BCOR: variants seen among roughly 807,000 people sequenced by gnomAD.
The protein encoded by BCOR is BCL6 corepressor, also known as BCL-6 corepressor.
A neutral mutation model predicts 86.7 loss-of-function variants in BCOR; 10 were observed. That is an observed-to-expected ratio of 0.12 (90% CI 0.07 to 0.20). The LOEUF (loss-of-function observed/expected upper bound fraction) is 0.20. Among genes scored for constraint, BCOR ranks in the 10% least tolerant of loss-of-function variants. BCOR has a pLI of 1.00. For missense variants in BCOR, 1,259 were observed against 1,452.1 expected (o/e 0.87, Z 2.16); for synonymous variants, 611 against 609.0 (o/e 1.00, Z -0.05).
At position 40,072,904 on chromosome X, in the gene BCOR, A is replaced by G. The variant is rs1935551026; in HGVS notation, c.2442T>C (p.Asp814=). 1 of 1,210,725 alleles carries G rather than the reference A, an allele frequency of 8.3e-7. No individual in the cohort carries two copies. The highest frequency in any genetic ancestry group is 1.7e-5 in the African/African-American group (1 of 57,410). The part of the protein sequence containing the change: ...VYVDLLREEP[D]AKTDTNVSKP... ...TGGACACGTTTGTGTCAGTTTTAGC[A>G]TCTGGTTCTTCTCGGAGAAGGTCTA... The change falls in exon 4 of 15, where the codon GAT becomes GAC. Residue 814 remains aspartate (D), a synonymous_variant. Transcript: ENST00000378444.
At chrX:40,162,334 C>T (rs907296964) in intron 1 of BCOR, among the ~76,000 whole-genome samples, 1 of 111,830 alleles carries the variant, frequency 8.9e-6, no homozygotes, top group Non-Finnish European at 1.9e-5. Context: ...CCTGAGAAGC[C>T]AGCTTATTTC....
chrX:40,104,255 G>C (rs1937127610), intron 1 of BCOR, among the ~76,000 whole-genome samples: 1 of 111,472 alleles, frequency 9.0e-6, no homozygotes, highest in Non-Finnish European at 1.9e-5. Context: ...ACTTGGGAGG[G>C]TCATATAACT....
At position 40,074,389 on chromosome X, in the gene BCOR, C is replaced by T. The variant is rs1418416136; in HGVS notation, c.957G>A (p.Lys319=). ...CCCCCGGCAGGCCACTGGTGACCGC[C>T]TTGGCAGAGGGAACCCTGGGCTGCT... ...NSKQPRVPSA[K]AVTSGLPGDT... Residue 319 remains lysine (K), a synonymous_variant, in exon 4 of 15, where the codon AAG becomes AAA. Transcript: ENST00000378444. 3 of 1,210,972 alleles carry T rather than the reference C, an allele frequency of 2.5e-6. No homozygotes were observed. The Admixed American group carries it at 6.5e-5, about 26-fold the overall frequency.
intron 1 of BCOR, among the ~76,000 whole-genome samples, chrX:40,164,668 C>T (rs1300926138): frequency 8.9e-6 from 1 of 111,908 alleles, no homozygotes; most frequent in Non-Finnish European, 1.9e-5. Flanking sequence ...GCATTTCCAC[C>T]AGGCTGGTTT....
intron 1 of BCOR, among the ~76,000 whole-genome samples, chrX:40,159,605 C>T (rs1277335390): frequency 8.9e-6 from 1 of 112,460 alleles, no homozygotes; most frequent in Non-Finnish European, 1.9e-5. Flanking sequence ...CCGCCTCGGC[C>T]TCCCAAATTG....
chrX:40,148,289 G>A (rs1218688090), intron 1 of BCOR, among the ~76,000 whole-genome samples: 3 of 111,393 alleles, frequency 2.7e-5, no homozygotes, highest in Non-Finnish European at 5.7e-5. Flanking sequence ...GCGGATCAAC[G>A]CCCCCCACCC....
chrX:40,083,965 G>A (rs1936233113), intron 1 of BCOR, among the ~76,000 whole-genome samples: 1 of 112,123 alleles, frequency 8.9e-6, no homozygotes, highest in East Asian at 2.8e-4. Flanking sequence ...GGTGGGCGCA[G>A]GGAGAATCCG....
rs768798343 is a variant in BCOR, at chrX:40,072,798, G to A, written c.2548C>T (p.Arg850Cys). The change falls in exon 4 of 15, where the codon CGT becomes TGT. Residue 850 changes from arginine (R) to cysteine (C), a missense_variant. Coordinates refer to ENST00000378444, the MANE Select transcript of BCOR (RefSeq NM_001123385.2). ...TCCTCTCTCAGGGCGATGAAATCACGGTGCTGCTGCAGGGCCGGCTCAACT... is the reference window on the plus strand; with the variant it reads ...TCCTCTCTCAGGGCGATGAAATCACAGTGCTGCTGCAGGGCCGGCTCAACT... ...PSVEPALQQH[R>C]DFIALREELG... The A allele has an allele frequency of 5.8e-6, 7 of 1,210,001 alleles. No individual in the cohort carries two copies. The highest frequency in any genetic ancestry group is 3.5e-5 in the African/African-American group (2 of 57,204).
At chrX:40,067,580 G>A (rs1935266294) in intron 6 of BCOR, among the ~76,000 whole-genome samples, 1 of 111,994 alleles carries the variant, frequency 8.9e-6, no homozygotes, top group Non-Finnish European at 1.9e-5. Flanking sequence ...CTGCCCACAC[G>A]CAGTGTAGAT....
chrX:40,078,849 C>T (rs1333473322), intron 1 of BCOR, among the ~76,000 whole-genome samples: 2 of 107,647 alleles, frequency 1.9e-5, no homozygotes, highest in African/African-American at 6.8e-5. Context: ...CTCTGCCCAC[C>T]GCCCCCACCC....
chrX:40,107,188 A>T (rs777226715), intron 1 of BCOR, among the ~76,000 whole-genome samples: 1 of 111,391 alleles, frequency 9.0e-6, no homozygotes, highest in East Asian at 2.8e-4. Flanking sequence ...CCCCTCCCGT[A>T]TAGGATCTAG....
intron 1 of BCOR, among the ~76,000 whole-genome samples, chrX:40,113,423 T>C (rs1053378120): frequency 2.9e-5 from 3 of 103,516 alleles, no homozygotes; most frequent in Non-Finnish European, 5.9e-5. Context: ...AAAAAAAAAG[T>C]GTTGAATGTC....
intron 7 of BCOR, 31 bp downstream of exon 7, chrX:40,064,305 C>T: frequency 8.3e-7 from 1 of 1,212,024 alleles, no homozygotes; most frequent in Non-Finnish European, 1.1e-6. Flanking sequence ...GGCCCACCCC[C>T]CGGCAGGCGG....
At chrX:40,176,089 C>G (rs906568204) in intron 1 of BCOR, among the ~76,000 whole-genome samples, 1 of 112,850 alleles carries the variant, frequency 8.9e-6, no homozygotes, top group Non-Finnish European at 1.9e-5. Flanking sequence ...GCTAGAGTAG[C>G]GCACGCCACT....
At chrX:40,153,004 C>T (rs937041051) in intron 1 of BCOR, among the ~76,000 whole-genome samples, 1 of 112,754 alleles carries the variant, frequency 8.9e-6, no homozygotes, top group African/African-American at 3.2e-5. Flanking sequence ...CCCGATTCGG[C>T]GCGAAGGTGC....
At chrX:40,155,786 G>A (rs890847059) in intron 1 of BCOR, among the ~76,000 whole-genome samples, 1 of 112,794 alleles carries the variant, frequency 8.9e-6, no homozygotes, top group African/African-American at 3.2e-5. Context: ...AATCACCCCC[G>A]CCAGGCGCGA....
At chrX:40,068,484 C>T (rs1019070224) in intron 6 of BCOR, among the ~76,000 whole-genome samples, 1 of 112,457 alleles carries the variant, frequency 8.9e-6, no homozygotes, top group African/African-American at 3.2e-5. Context: ...TTCACTTTCA[C>T]TCAACGCTTT....
At position 40,052,158 on chromosome X, in the gene BCOR, G is replaced by A; in HGVS notation, c.5219C>T (p.Ser1740Phe). 1.7e-6 allele frequency: 2 copies of A among 1,206,002 alleles called. No homozygotes were observed. The highest frequency in any genetic ancestry group is 2.2e-6 in the Non-Finnish European group (2 of 892,346). The change falls in exon 15 of 15, where the codon TCT becomes TTT. Residue 1740 changes from serine (S) to phenylalanine (F), a missense_variant. Ser to Phe is a radical substitution (Grantham distance 155, BLOSUM62 -2). Around this residue, in one of 7 missense-constraint regions of BCOR, gnomAD observed 137 missense variants for 149.8 expected, o/e 0.91. Transcript: ENST00000378444. ...ATCACTGGGGTGGAGCCACTCTACA[G>A]AGGAGCCCAGCAGAGTCTGAATTTC... Reference protein sequence around the residue: ...TNEIQTLLGSSVEWLHPSDLA... With the variant: ...TNEIQTLLGSFVEWLHPSDLA...
At chrX:40,080,307 G>A (rs552202239) in intron 1 of BCOR, among the ~76,000 whole-genome samples, 1 of 110,032 alleles carries the variant, frequency 9.1e-6, no homozygotes, top group Non-Finnish European at 1.9e-5. Flanking sequence ...TGGGCGTGGT[G>A]GTGCGTGCCT....
Sources: gnomAD v4.1 joint callset for allele counts (sites outside exome capture counted in the v4.1 genomes callset) on GRCh38, gnomAD v4.1.1 for gene constraint, gnomAD v4.1.1 regional missense constraint, MANE v1.5 for transcripts, NCBI Gene and HGNC (gene_info 2026-07-23, HGNC 2026-07-21) for gene names.